The following PHLPP1 variants were observed in gnomAD, a reference collection of about 807,000 sequenced individuals.
PHLPP1 encodes PH domain and leucine rich repeat protein phosphatase 1, also known as PH domain leucine-rich repeat-containing protein phosphatase 1.
PHLPP1 carries 42 observed loss-of-function variants against 117.2 expected under a neutral mutation model. The observed-to-expected ratio is 0.36, with a 90% CI of 0.28 to 0.46. The LOEUF (loss-of-function observed/expected upper bound fraction) is 0.46. Ranked by LOEUF, PHLPP1 falls within the 20% of genes least tolerant of loss-of-function variation. PHLPP1 has a pLI of 1.00. For missense variants in PHLPP1, 2,084 were observed against 2,241.9 expected, an observed-to-expected ratio of 0.93 and a Z score of 1.42; for synonymous variants, 1,042 against 970.7, an observed-to-expected ratio of 1.07 and a Z score of -1.37.
intron 4 of PHLPP1, among the ~76,000 whole-genome samples, chr18:62,879,402 A>ATG (rs1916121047): frequency 6.7e-6 from 1 of 148,258 alleles, no homozygotes; most frequent in African/African-American, 2.6e-5. Context: ...GGTATTCTGG[A>ATG]TATGTGTGTG....
At chr18:62,936,651 A>G (rs561670617) in intron 10 of PHLPP1, among the ~76,000 whole-genome samples, 2 of 152,194 alleles carry the variant, frequency 1.3e-5, no homozygotes, top group South Asian at 2.1e-4. Flanking sequence ...GAAGGGCACA[A>G]CCTCTGCGAT....
rs953701459 is a variant in PHLPP1 at position 62,794,525 on chromosome 18, G to A, written c.1577-35510G>A. Reference sequence around the variant, plus strand: ...TGGGACTACAGCTGCACATCACCATGCCCAGCTAAGTTTTGATTTTTTTTC... The same window carrying A: ...TGGGACTACAGCTGCACATCACCATACCCAGCTAAGTTTTGATTTTTTTTC... On this transcript the variant is annotated intron_variant, in intron 1 of 16. Coordinates refer to ENST00000262719, the MANE Select transcript of PHLPP1 (RefSeq NM_194449.4). Among the ~76,000 whole-genome samples the A allele has an allele frequency of 7.9e-5, 12 of 152,080 alleles. No individual in the cohort carries two copies. In the South Asian group the frequency reaches 2.3e-3, roughly 29 times the overall value.
chr18:62,788,072 A>G (rs775076329), intron 1 of PHLPP1, among the ~76,000 whole-genome samples: 4 of 152,244 alleles, frequency 2.6e-5, no homozygotes, highest in Admixed American at 6.5e-5. Context: ...GATTTTTTCA[A>G]TAATACATCA....
chr18:62,942,865 G>A (rs761690571), intron 11 of PHLPP1, among the ~76,000 whole-genome samples: 7 of 152,114 alleles, frequency 4.6e-5, no homozygotes, highest in Admixed American at 6.5e-5. Context: ...AGGAAGGCCC[G>A]TGTATATGTT....
At chr18:62,882,332 G>C (rs1223944873) in intron 4 of PHLPP1, among the ~76,000 whole-genome samples, 2 of 150,976 alleles carry the variant, frequency 1.3e-5, no homozygotes, top group Non-Finnish European at 2.9e-5. Flanking sequence ...GCAGTGGCGT[G>C]ATCTCAGCTC....
intron 1 of PHLPP1, among the ~76,000 whole-genome samples, chr18:62,774,830 T>C (rs1176316005): frequency 6.6e-6 from 1 of 151,556 alleles, no homozygotes; most frequent in East Asian, 1.9e-4. Flanking sequence ...GCACATGAAA[T>C]GGGAACAAAC....
chr18:62,828,589 G>A (rs957883305), intron 1 of PHLPP1, among the ~76,000 whole-genome samples: 14 of 152,150 alleles, frequency 9.2e-5, no homozygotes, highest in African/African-American at 3.4e-4. Flanking sequence ...ATTCGAACCT[G>A]TGGCTTATTT....
chr18:62,979,126 ACCATTGGG>A lies in PHLPP1; in HGVS notation c.4851_4858del (p.Ile1618ProfsTer41). ...GAAGGCAGACTTCTCTGCCGTTGGG[ACCATTGGG>A]CGCCGGAGGGCCAATGGCTCTGTTG... On this transcript the variant is annotated frameshift_variant, in exon 17 of 17. Transcript: ENST00000262719. LOFTEE classifies it low-confidence loss of function (END_TRUNC). The A allele has an allele frequency of 1.2e-6, 2 of 1,613,920 alleles. No homozygotes were observed. Among genetic ancestry groups the A allele is most frequent in the Non-Finnish European group, 1.7e-6 (2 of 1,179,856 alleles).
chr18:62,818,682 A>G (rs769991563), intron 1 of PHLPP1, among the ~76,000 whole-genome samples: 2 of 152,236 alleles, frequency 1.3e-5, no homozygotes, highest in Non-Finnish European at 2.9e-5. Flanking sequence ...GGATCTACAT[A>G]AAGGAATGAA....
chr18:62,785,080 T>C (rs985503729), intron 1 of PHLPP1, among the ~76,000 whole-genome samples: 10 of 152,236 alleles, frequency 6.6e-5, no homozygotes, highest in African/African-American at 2.2e-4. Flanking sequence ...TAAAGGACTG[T>C]AATTGATGTA....
Position 62,881,465 on chromosome 18 carries a change from T to C in PHLPP1, c.2067-13546T>C, listed in dbSNP as rs565974230. On this transcript the variant is annotated intron_variant, in intron 4 of 16. Transcript: ENST00000262719. ...AGTTCTTAAAAAAATTATAAAATTC[T>C]TTCATGACTGTAAATTTTAATTTTT... 2.6e-5 allele frequency among the ~76,000 whole-genome samples: 4 copies of C among 152,358 alleles called. No individual in the cohort carries two copies. In the South Asian group the frequency reaches 8.3e-4, roughly 32 times the overall value.
At chr18:62,905,860 A>G (rs1916836629) in intron 8 of PHLPP1, among the ~76,000 whole-genome samples, 1 of 152,192 alleles carries the variant, frequency 6.6e-6, no homozygotes, top group Admixed American at 6.5e-5. Flanking sequence ...TTGCTTCTGC[A>G]GTGTATTATA....
intron 13 of PHLPP1, among the ~76,000 whole-genome samples, chr18:62,959,310 G>C (rs1364778391): frequency 6.6e-6 from 1 of 152,140 alleles, no homozygotes; most frequent in Non-Finnish European, 1.5e-5. Flanking sequence ...AAATTATTTA[G>C]AGCTATATTG....
chr18:62,974,155 A>T (rs1230647810), intron 15 of PHLPP1, among the ~76,000 whole-genome samples: 1 of 152,174 alleles, frequency 6.6e-6, no homozygotes, highest in South Asian at 2.1e-4. Context: ...ATTACTTGCT[A>T]TACTTTTTAC....
chr18:62,895,401 A>G (rs1916532761), intron 5 of PHLPP1, among the ~76,000 whole-genome samples: 1 of 152,266 alleles, frequency 6.6e-6, no homozygotes, highest in African/African-American at 2.4e-5. Context: ...GAGTATGTCT[A>G]AACATGGAAT....
At chr18:62,808,518 A>T (rs1568123889) in intron 1 of PHLPP1, among the ~76,000 whole-genome samples, 2 of 151,350 alleles carry the variant, frequency 1.3e-5, no homozygotes, top group Non-Finnish European at 2.9e-5. Context: ...TGTCTAAAAT[A>T]GTCACTTTTG....
chr18:62,831,743 T>C (rs2144332974), intron 2 of PHLPP1, among the ~76,000 whole-genome samples: 1 of 152,370 alleles, frequency 6.6e-6, no homozygotes, highest in East Asian at 1.9e-4. Context: ...GTTTTGTTGC[T>C]CACTGCTGTG....
chr18:62,716,297 A>C lies in PHLPP1; in HGVS notation c.614A>C (p.His205Pro). 2.0e-6 allele frequency: 3 copies of C among 1,531,374 alleles called. No homozygotes were observed. The highest frequency in any genetic ancestry group is 1.7e-6 in the Non-Finnish European group (2 of 1,145,306). 94.9% of individuals were successfully genotyped at this position (1,531,374 alleles called of 1,614,324 possible). A position where few individuals can be genotyped will look rare whatever the true frequency, so the allele number is the denominator to read the frequency against. The change falls in exon 1 of 17, where the codon CAC (histidine) becomes CCC (proline). Residue 205 changes from histidine (H) to proline (P), a missense_variant. Coordinates refer to ENST00000262719, the MANE Select transcript of PHLPP1 (RefSeq NM_194449.4). This position sits in a 1 kb window ranked among gnomAD's most constrained non-coding sequence, Gnocchi z 5.7. ...VRHQLQRGCV[H>P]VFDRHMASTY... ...CACCAGCTCCAGCGCGGCTGCGTGC[A>C]CGTCTTCGACCGCCACATGGCCTCG...
At chr18:62,927,390 C>A (rs76503827) in intron 10 of PHLPP1, among the ~76,000 whole-genome samples, 2,631 of 152,106 alleles carry the variant, frequency 0.017, 32 homozygotes, top group Non-Finnish European at 0.029. Context: ...TAGTTCGTAC[C>A]CCAAAAAATC....
Sources: allele counts gnomAD v4.1 joint callset (sites outside exome capture counted in the v4.1 genomes callset), GRCh38; gene constraint gnomAD v4.1.1; non-coding constraint Gnocchi (gnomAD v3.1); transcripts MANE v1.5; gene names NCBI Gene and HGNC (gene_info 2026-07-23, HGNC 2026-07-21).